Variants in TBC1D30 observed in about 807,000 individuals in gnomAD.
TBC1D30 encodes TBC1 domain family, member 30.
TBC1D30 carries 31 observed loss-of-function variants against 63.2 expected under a neutral mutation model. The observed-to-expected ratio is 0.49, with a 90% confidence interval of 0.37 to 0.66. The LOEUF (loss-of-function observed/expected upper bound fraction) is 0.66, where lower values mean the gene tolerates loss of function less well. Ranked by LOEUF, TBC1D30 falls within the 30% of genes least tolerant of loss-of-function variation. TBC1D30 has a pLI of 0.00. For missense variants in TBC1D30, 810 were observed against 953.6 expected (o/e 0.85, Z 1.98); for synonymous variants, 307 against 361.5 (o/e 0.85, Z 1.71).
chr12:64,827,192 G>A (rs1315395474), intron 1 of TBC1D30, among the ~76,000 whole-genome samples: 1 of 152,190 alleles, frequency 6.6e-6, no homozygotes, highest in African/African-American at 2.4e-5. Context: ...GCTCATGTCT[G>A]TAATCCTAGC....
chr12:64,824,834 G>C lies in TBC1D30; in HGVS notation c.-46G>C. The C allele has an allele frequency of 6.6e-7, 1 of 1,523,230 alleles. No homozygotes were observed. The highest frequency in any genetic ancestry group is 8.8e-7 in the Non-Finnish European group (1 of 1,140,632). The allele number at this position is 1,523,230 out of a possible 1,614,324, so 94.4% of individuals were successfully genotyped here. A position where few individuals can be genotyped will look rare whatever the true frequency, so the allele number is the denominator to read the frequency against. On this transcript the variant is annotated 5_prime_UTR_variant, in exon 1 of 12. Coordinates refer to ENST00000539867, the MANE Select transcript of TBC1D30 (RefSeq NM_015279.2). ...AGCCGCTCAGCGAGTGGGGTAGCGG[G>C]GACCGAGACGGACGGTAGCCGTGCC...
chr12:64,767,203 A>G (rs1407083917), intron 1 of TBC1D30, among the ~76,000 whole-genome samples: 2 of 152,076 alleles, frequency 1.3e-5, no homozygotes, highest in African/African-American at 4.8e-5. Context: ...GCAGAAATTA[A>G]TGAAACGAGG....
At chr12:64,833,426 G>A (rs1875046493) in intron 5 of TBC1D30, among the ~76,000 whole-genome samples, 1 of 152,182 alleles carries the variant, frequency 6.6e-6, no homozygotes, top group Admixed American at 6.5e-5. Context: ...TTAAGGCAAT[G>A]TGGGATTACT....
chr12:64,851,664 GT>G (rs558822248), intron 8 of TBC1D30, among the ~76,000 whole-genome samples: 8 of 152,290 alleles, frequency 5.3e-5, no homozygotes, highest in African/African-American at 1.2e-4. Flanking sequence ...GTTGGTACCA[GT>G]TTTTCCTTTC....
rs1194749869 is a variant in TBC1D30 at position 64,875,887 on chromosome 12, G to C, written c.*99G>C. 3 of 1,264,218 alleles carry C rather than the reference G, an allele frequency of 2.4e-6. No homozygotes were observed. Among genetic ancestry groups the C allele is most frequent in the Non-Finnish European group, 3.2e-6 (3 of 943,302 alleles). The allele number at this position is 1,264,218 out of a possible 1,614,324, so 78.3% of individuals were successfully genotyped here. A position where few individuals can be genotyped will look rare whatever the true frequency, so the allele number is the denominator to read the frequency against. ...AGAGTTTTATTTGTCCAGTGAAAAT[G>C]AATAGGTTCAGGGATGAGCAACAGC... On this transcript the variant is annotated 3_prime_UTR_variant, in exon 12 of 12. Transcript: ENST00000539867.
intron 1 of TBC1D30, among the ~76,000 whole-genome samples, chr12:64,762,713 T>G (rs1375454299): frequency 6.6e-6 from 1 of 152,214 alleles, no homozygotes; most frequent in Non-Finnish European, 1.5e-5. Context: ...TCCCCTTACA[T>G]TATATGGCTA....
At chr12:64,781,397 AC>A in intron 1 of TBC1D30, 1 of 977,570 alleles carries the variant, frequency 1.0e-6, no homozygotes, top group Non-Finnish European at 1.2e-6. Flanking sequence ...GCGCTCAGAT[AC>A]TGTCTCTTTG....
upstream of TBC1D30, among the ~76,000 whole-genome samples, chr12:64,779,938 A>T (rs1374132332): frequency 6.6e-6 from 1 of 152,234 alleles, no homozygotes; most frequent in Non-Finnish European, 1.5e-5. Context: ...CTTCACAAAA[A>T]TATCTACAGT....
At chr12:64,843,246 C>T in intron 7 of TBC1D30, 134 bp from the exon 8 acceptor site, 5 of 713,700 alleles carry the variant, frequency 7.0e-6, no homozygotes, top group Admixed American at 2.8e-5. Context: ...CCTCCCGCCC[C>T]AGCCTCCCAG....
chr12:64,864,646 C>T, intron 8 of TBC1D30, 22 bp from the exon 9 acceptor site: 1 of 1,484,412 alleles, frequency 6.7e-7, no homozygotes, highest in South Asian at 1.2e-5. Flanking sequence ...TCAGACTTGG[C>T]ATTTTTGCTT....
chr12:64,767,433 C>G (rs1389499894), intron 1 of TBC1D30, among the ~76,000 whole-genome samples: 1 of 152,012 alleles, frequency 6.6e-6, no homozygotes, highest in African/African-American at 2.4e-5. Flanking sequence ...GATTTGATAC[C>G]TTTGCTAGAC....
chr12:64,870,953 C>T (rs1878608963), intron 11 of TBC1D30, 145 bp downstream of exon 11: 2 of 796,832 alleles, frequency 2.5e-6, no homozygotes, highest in Non-Finnish European at 3.9e-6. Flanking sequence ...GCATATTTAG[C>T]ATCTCATTTT....
At chr12:64,866,032 G>A (rs1878185868) in intron 9 of TBC1D30, among the ~76,000 whole-genome samples, 1 of 152,040 alleles carries the variant, frequency 6.6e-6, no homozygotes, top group Non-Finnish European at 1.5e-5. Context: ...ACCGTGCCTG[G>A]ATAATTTTTA....
At chr12:64,776,697 C>A (rs969512710), upstream of TBC1D30, among the ~76,000 whole-genome samples, 6 of 152,180 alleles carry the variant, frequency 3.9e-5, no homozygotes, top group East Asian at 3.8e-4. Context: ...GAGCTGATAT[C>A]ATTCCCACTG....
chr12:64,840,195 C>A (rs369418366), intron 7 of TBC1D30, among the ~76,000 whole-genome samples: 1 of 151,928 alleles, frequency 6.6e-6, no homozygotes, highest in African/African-American at 2.4e-5. Context: ...CTTTCATTAC[C>A]CCCCAATAGC....
At chr12:64,858,700 C>T (rs1255406091) in intron 8 of TBC1D30, among the ~76,000 whole-genome samples, 1 of 152,212 alleles carries the variant, frequency 6.6e-6, no homozygotes, top group East Asian at 1.9e-4. Context: ...AAATAAAATG[C>T]TTCAGCCTGA....
At chr12:64,808,844 T>C (rs1033190831) in intron 2 of TBC1D30, among the ~76,000 whole-genome samples, 1 of 151,806 alleles carries the variant, frequency 6.6e-6, no homozygotes, top group Non-Finnish European at 1.5e-5. Flanking sequence ...TGCTGTAGCA[T>C]GGATTATATA....
intron 1 of TBC1D30, among the ~76,000 whole-genome samples, chr12:64,762,636 T>G (rs1870557479): frequency 6.6e-6 from 1 of 152,294 alleles, no homozygotes; most frequent in South Asian, 2.1e-4. Context: ...ATATTACAAA[T>G]AATGCAAAAA....
In TBC1D30 at chr12:64,824,803, G is replaced by T; in HGVS notation, c.-77G>T. ...GCCGCAGACACTCACCCAGCTCCGCGAGCTCAGCCGCTCAGCGAGTGGGGT... is the reference window on the plus strand; with the variant it reads ...GCCGCAGACACTCACCCAGCTCCGCTAGCTCAGCCGCTCAGCGAGTGGGGT... On this transcript the variant is annotated 5_prime_UTR_variant, in exon 1 of 12. Transcript: ENST00000539867. 1 of 1,482,958 alleles carries T rather than the reference G, an allele frequency of 6.7e-7. No homozygotes were observed. Among genetic ancestry groups the T allele is most frequent in the Non-Finnish European group, 8.9e-7 (1 of 1,117,618 alleles). 91.9% of individuals were successfully genotyped at this position (1,482,958 alleles called of 1,614,324 possible). A position where few individuals can be genotyped will look rare whatever the true frequency, so the allele number is the denominator to read the frequency against.
Sources: gnomAD v4.1 joint callset for allele counts (sites outside exome capture counted in the v4.1 genomes callset) on GRCh38, gnomAD v4.1.1 for gene constraint, MANE v1.5 for transcripts, NCBI Gene and HGNC (gene_info 2026-07-23, HGNC 2026-07-21) for gene names.